Variants in MED27 observed in about 807,000 individuals in gnomAD.
The protein encoded by MED27 is mediator of RNA polymerase II transcription subunit 27.
MED27 carries 30 observed loss-of-function variants against 38.2 expected under a neutral mutation model. The observed-to-expected ratio is 0.79, with a 90% CI of 0.59 to 1.07. The LOEUF is 1.07. Ranked by LOEUF, MED27 falls within the 50% of genes least tolerant of loss-of-function variation. MED27 has a pLI of 0.00. For missense variants in MED27, 289 were observed against 397.5 expected, an observed-to-expected ratio of 0.73 and a Z score of 2.32; for synonymous variants, 122 against 153.5, an observed-to-expected ratio of 0.79 and a Z score of 1.52.
At chr9:131,874,869 T>C (rs1427692553) in intron 6 of MED27, among the ~76,000 whole-genome samples, 1 of 152,214 alleles carries the variant, frequency 6.6e-6, no homozygotes. Context: ...CTTGGTGTGA[T>C]ATTATTTTCT....
At position 131,878,086 on chromosome 9, in the gene MED27, C is replaced by T. The variant is rs991378772; in HGVS notation, c.723+5972G>A. Reference sequence around the variant, plus strand: ...GATCAGGAGTTCAAGACCAGCCTGGCCAACACGGTGAAACCCCGTCTCTAC... The same window carrying T: ...GATCAGGAGTTCAAGACCAGCCTGGTCAACACGGTGAAACCCCGTCTCTAC... On this transcript the variant is annotated intron_variant, in intron 6 of 7. Transcript: ENST00000292035. 3.9e-5 allele frequency among the ~76,000 whole-genome samples: 6 copies of T among 151,978 alleles called. No homozygotes were observed. In the East Asian group the frequency reaches 9.6e-4, roughly 24 times the overall value.
intron 2 of MED27, among the ~76,000 whole-genome samples, chr9:132,060,998 C>G (rs1030352222): frequency 2.0e-5 from 3 of 152,160 alleles, no homozygotes; most frequent in African/African-American, 7.2e-5. Context: ...AGGACAGTGT[C>G]TACAAGTTTT....
chr9:131,878,791 C>A (rs1370480240), intron 6 of MED27, among the ~76,000 whole-genome samples: 1 of 152,166 alleles, frequency 6.6e-6, no homozygotes, highest in Non-Finnish European at 1.5e-5. Context: ...CCTTTCCTGG[C>A]TCTTTGTGAT....
intron 3 of MED27, among the ~76,000 whole-genome samples, chr9:131,974,918 C>T (rs1215540183): frequency 1.3e-5 from 2 of 152,150 alleles, no homozygotes; most frequent in Non-Finnish European, 2.9e-5. Flanking sequence ...TTCAGAAGGG[C>T]ATATATCTTT....
At position 131,916,640 on chromosome 9, in the gene MED27, C is replaced by A. The variant is rs534453641; in HGVS notation, c.574-22648G>T. 8.5e-5 allele frequency among the ~76,000 whole-genome samples: 13 copies of A among 152,208 alleles called. No individual in the cohort carries two copies. The South Asian group carries it at 1.2e-3, about 15-fold the overall frequency. On this transcript the variant is annotated intron_variant, in intron 4 of 7. Transcript: ENST00000292035. ...AGAAATTATGAAGTCCCAAGAGAAC[C>A]CTTCTTTGTGAAGCTCCCTGTATCT...
At chr9:131,894,068 C>T (rs1480384145) in intron 4 of MED27, 76 bp from the exon 5 acceptor site, 1 of 1,040,464 alleles carries the variant, frequency 9.6e-7, no homozygotes, top group African/African-American at 1.6e-5. Flanking sequence ...GAAGAAATGA[C>T]CACCTGGCCA....
intron 3 of MED27, among the ~76,000 whole-genome samples, chr9:131,999,699 T>G (rs1393230307): frequency 6.6e-6 from 1 of 152,166 alleles, no homozygotes; most frequent in Non-Finnish European, 1.5e-5. Flanking sequence ...GAATCTAGAC[T>G]TCAGTGCTTC....
chr9:131,877,233 G>A (rs541665894), intron 6 of MED27, among the ~76,000 whole-genome samples: 10 of 152,300 alleles, frequency 6.6e-5, no homozygotes, highest in African/African-American at 2.4e-4. Context: ...CTTTGGGAAG[G>A]AAATGTAGAG....
intron 2 of MED27, among the ~76,000 whole-genome samples, chr9:132,042,449 AGGTAT>A (rs150468072): frequency 0.013 from 2,036 of 152,284 alleles, 44 homozygotes; most frequent in African/African-American, 0.046. Context: ...AAGTGCCAAG[AGGTAT>A]GAGACTTCAA....
chr9:132,034,755 G>A (rs1271058159), intron 2 of MED27, among the ~76,000 whole-genome samples: 1 of 152,122 alleles, frequency 6.6e-6, no homozygotes, highest in Admixed American at 6.5e-5. Flanking sequence ...TCACCTTCTC[G>A]ACTGGCTATG....
intron 2 of MED27, among the ~76,000 whole-genome samples, chr9:132,034,983 C>G (rs750653452): frequency 1.3e-5 from 2 of 152,176 alleles, no homozygotes; most frequent in African/African-American, 4.8e-5. Context: ...AGACACCCCC[C>G]TCAAATGAGT....
intron 2 of MED27, among the ~76,000 whole-genome samples, chr9:132,074,297 T>C (rs925501727): frequency 3.9e-5 from 6 of 152,256 alleles, no homozygotes; most frequent in Non-Finnish European, 5.9e-5. Context: ...TACCATGTAA[T>C]TAATATTCCA....
intron 3 of MED27, among the ~76,000 whole-genome samples, chr9:131,964,494 T>C (rs1330491052): frequency 6.6e-6 from 1 of 151,674 alleles, no homozygotes; most frequent in Non-Finnish European, 1.5e-5. Flanking sequence ...ACTCCTTCAC[T>C]GCCAAGATGG....
chr9:131,907,655 A>C (rs1430533221), intron 4 of MED27, among the ~76,000 whole-genome samples: 1 of 151,860 alleles, frequency 6.6e-6, no homozygotes, highest in Non-Finnish European at 1.5e-5. Context: ...CTGGGAAGTG[A>C]GGAGCGTCTC....
chr9:131,961,402 T>C (rs565190048), intron 3 of MED27, among the ~76,000 whole-genome samples: 38 of 152,352 alleles, frequency 2.5e-4, no homozygotes, highest in African/African-American at 7.9e-4. Context: ...TCAGCCTTAA[T>C]TCAAAGGTTT....
At chr9:132,050,333 G>C (rs1307085260) in intron 2 of MED27, among the ~76,000 whole-genome samples, 3 of 152,224 alleles carry the variant, frequency 2.0e-5, no homozygotes, top group African/African-American at 7.2e-5. Flanking sequence ...GCAACGTGCA[G>C]GGCCTCAGAT....
At chr9:131,914,200 G>A (rs972532248) in intron 4 of MED27, among the ~76,000 whole-genome samples, 3 of 152,170 alleles carry the variant, frequency 2.0e-5, no homozygotes, top group African/African-American at 7.2e-5. Context: ...TGATGACAAC[G>A]ATGAACAAAC....
intron 3 of MED27, among the ~76,000 whole-genome samples, chr9:131,992,230 C>T (rs1295256933): frequency 6.6e-6 from 1 of 152,126 alleles, no homozygotes; most frequent in Non-Finnish European, 1.5e-5. Flanking sequence ...ATAATTTTAT[C>T]TCAGTTTGAA....
chr9:131,992,774 G>A (rs575546507), intron 3 of MED27, among the ~76,000 whole-genome samples: 13 of 152,196 alleles, frequency 8.5e-5, no homozygotes, highest in Non-Finnish European at 1.9e-4. Context: ...TGCCCCATAA[G>A]CCTTCCTCCT....
Sources: gnomAD v4.1 joint callset for allele counts (sites outside exome capture counted in the v4.1 genomes callset) on GRCh38, gnomAD v4.1.1 for gene constraint, MANE v1.5 for transcripts, NCBI Gene and HGNC (gene_info 2026-07-23, HGNC 2026-07-21) for gene names.